The following ZNF69 variants were observed in gnomAD, a reference collection of about 807,000 sequenced individuals.
ZNF69 encodes the protein ZNF3.
ZNF69 carries 47 observed loss-of-function variants against 50.9 expected under a neutral mutation model. The ratio of observed to expected loss-of-function variants is 0.92; its 90% CI spans 0.73 to 1.18. The LOEUF (loss-of-function observed/expected upper bound fraction) is 1.18, where lower values mean the gene tolerates loss of function less well. Among genes scored for constraint, ZNF69 ranks in the 50% most tolerant of loss-of-function variants. The probability of loss-of-function intolerance (pLI) is 0.00; values close to 1 mark genes in which losing one functional copy is unlikely to be tolerated. For synonymous variants in ZNF69, 216 were observed against 223.1 expected, an observed-to-expected ratio of 0.97 and a Z score of 0.29; for missense variants, 717 against 675.1, an observed-to-expected ratio of 1.06 and a Z score of -0.69.
the ZNF69 span, chr19:11,925,103 C>A: frequency 7.4e-7 from 1 of 1,354,104 alleles, no homozygotes; most frequent in Non-Finnish European, 1.0e-6. Context: ...GAGGGGGTCG[C>A]TTTCCTCACC....
At chr19:11,938,569 CT>C in the ZNF69 span, among the ~76,000 whole-genome samples, 1 of 152,048 alleles carries the variant, frequency 6.6e-6, no homozygotes, top group African/African-American at 2.4e-5. Flanking sequence ...TGAACTCATC[CT>C]TTTTTGTGGC....
chr19:11,892,786 C>T (rs1306843181), intron 1 of ZNF69, among the ~76,000 whole-genome samples: 3 of 152,248 alleles, frequency 2.0e-5, no homozygotes, highest in African/African-American at 4.8e-5. Flanking sequence ...CCCATGATTG[C>T]ATTGCTTCAA....
At chr19:11,973,178 A>G in the ZNF69 span, among the ~76,000 whole-genome samples, 2 of 151,904 alleles carry the variant, frequency 1.3e-5, no homozygotes, top group African/African-American at 4.8e-5. Context: ...TGCTCCTCCT[A>G]ATTCTATCTC....
the ZNF69 span, among the ~76,000 whole-genome samples, chr19:11,925,850 G>A: frequency 6.6e-6 from 1 of 152,216 alleles, no homozygotes; most frequent in South Asian, 2.1e-4. Flanking sequence ...ACAACCCCAA[G>A]CAGCCTGGAG....
At chr19:11,960,738 T>A in the ZNF69 span, among the ~76,000 whole-genome samples, 64 of 152,306 alleles carry the variant, frequency 4.2e-4, no homozygotes, top group African/African-American at 1.5e-3. Context: ...TCTTTCTTAT[T>A]CTCATTTTTT....
chr19:11,962,807 G>T, the ZNF69 span, among the ~76,000 whole-genome samples: 1 of 152,166 alleles, frequency 6.6e-6, no homozygotes, highest in Non-Finnish European at 1.5e-5. Flanking sequence ...AGAACAAGCT[G>T]ACTTAATGAT....
the ZNF69 span, among the ~76,000 whole-genome samples, chr19:11,974,826 C>G: frequency 6.6e-6 from 1 of 152,112 alleles, no homozygotes; most frequent in African/African-American, 2.4e-5. Flanking sequence ...TGATCTTAAA[C>G]TGCTGACCTC....
the ZNF69 span, among the ~76,000 whole-genome samples, chr19:11,953,984 T>C: frequency 6.6e-6 from 1 of 152,228 alleles, no homozygotes; most frequent in Non-Finnish European, 1.5e-5. Context: ...ATTTATGAGG[T>C]ATGAAAATGC....
chr19:11,965,158 T>C, the ZNF69 span: 5 of 1,613,398 alleles, frequency 3.1e-6, no homozygotes, highest in Middle Eastern at 1.7e-4. Flanking sequence ...TGTGCCCTTC[T>C]GTAGTCACAG....
At chr19:11,911,053 C>G (rs1363872294), downstream of ZNF69, among the ~76,000 whole-genome samples, 1 of 152,106 alleles carries the variant, frequency 6.6e-6, no homozygotes, top group Non-Finnish European at 1.5e-5. Context: ...ATTTATGCAG[C>G]CAACAGACAC....
the ZNF69 span, among the ~76,000 whole-genome samples, chr19:11,929,393 C>T: frequency 1.3e-5 from 2 of 148,198 alleles, no homozygotes; most frequent in Non-Finnish European, 2.9e-5. Context: ...CAACTCCTGT[C>T]CTCAAGTGAT....
chr19:11,917,791 T>TTTTTG (rs1972534886), downstream of ZNF69, among the ~76,000 whole-genome samples: 1 of 141,994 alleles, frequency 7.0e-6, no homozygotes. Context: ...ACACCCTGCT[T>TTTTTG]TTTTTTTTTT....
intron 1 of ZNF69, 139 bp downstream of exon 1, chr19:11,888,125 C>A: frequency 1.5e-6 from 1 of 688,958 alleles, no homozygotes; most frequent in East Asian, 3.3e-5. Flanking sequence ...GCTCGGCCCT[C>A]GGTCCCCTCG....
At chr19:11,943,614 T>C in the ZNF69 span, among the ~76,000 whole-genome samples, 13 of 152,296 alleles carry the variant, frequency 8.5e-5, no homozygotes, top group Admixed American at 8.5e-4. Context: ...AGGTCGGGCA[T>C]TTCCTGGGTT....
rs1238775802 is a variant in ZNF69 at position 11,904,905 on chromosome 19, A to T, written c.508A>T (p.Lys170Ter). ...GPKPCKCQQP[K>*]KAFRYHPSFR... The stretch of plus-strand genomic sequence containing the variant: ...GAAGCCATGTAAGTGTCAACAACCT[A>T]AAAAAGCCTTCAGATATCACCCCTC... Residue 170 changes from lysine to a stop codon, truncating the protein, a stop_gained, in exon 4 of 4, where the codon AAA (lysine) becomes TAA (stop). Coordinates refer to ENST00000429654, the MANE Select transcript of ZNF69 (RefSeq NM_001364730.1). LOFTEE classifies it high-confidence loss of function. 1.2e-6 allele frequency: 2 copies of T among 1,614,194 alleles called. No individual in the cohort carries two copies. The highest frequency in any genetic ancestry group is 1.7e-6 in the Non-Finnish European group (2 of 1,180,024).
the ZNF69 span, among the ~76,000 whole-genome samples, chr19:11,963,536 T>G: frequency 6.6e-6 from 1 of 152,186 alleles, no homozygotes; most frequent in Admixed American, 6.5e-5. Context: ...GGGGTGAGCT[T>G]GCCGGTGACT....
chr19:11,913,388 CT>C, intron 4 of ZNF69: 1 of 582,604 alleles, frequency 1.7e-6, no homozygotes, highest in Non-Finnish European at 3.1e-6. Context: ...CCTAATTTTT[CT>C]TATCTTTTTT....
the ZNF69 span, among the ~76,000 whole-genome samples, chr19:11,930,779 T>A: frequency 6.8e-6 from 1 of 148,038 alleles, no homozygotes. Flanking sequence ...GACTGGCATA[T>A]CACCTGAGGT....
At chr19:11,893,078 G>A (rs927967655) in intron 1 of ZNF69, among the ~76,000 whole-genome samples, 15 of 152,236 alleles carry the variant, frequency 9.9e-5, no homozygotes, top group African/African-American at 3.1e-4. Context: ...CAAGTGGTCC[G>A]CCCACCTTGG....
Sources: gnomAD v4.1 joint callset for allele counts (sites outside exome capture counted in the v4.1 genomes callset) on GRCh38, gnomAD v4.1.1 for gene constraint, MANE v1.5 for transcripts, NCBI Gene and HGNC (gene_info 2026-07-23, HGNC 2026-07-21) for gene names.